Variants in ZFHX3 observed in about 807,000 individuals in gnomAD.
ZFHX3 encodes the protein zinc finger homeobox protein 3.
A neutral mutation model predicts 279.1 loss-of-function variants in ZFHX3; 42 were observed. The observed-to-expected ratio is 0.15, with a 90% CI of 0.12 to 0.19. ZFHX3 has a LOEUF of 0.19. Ranked by LOEUF, ZFHX3 falls within the 10% of genes least tolerant of loss-of-function variation. The pLI is 1.00. For missense variants in ZFHX3, 4,981 were observed against 4,754.0 expected (o/e 1.05, Z -1.40); for synonymous variants, 2,293 against 1,957.8 (o/e 1.17, Z -4.52).
At chr16:73,137,414 A>G (rs1361662992) in intron 6 of ZFHX3, 1 of 152,064 alleles carries the variant, frequency 6.6e-6, no homozygotes, top group Non-Finnish European at 1.5e-5. Flanking sequence ...TCGCCCCCAG[A>G]GTTCTCATGC....
At chr16:73,070,050 C>G (rs763407806) in intron 8 of ZFHX3, among the ~76,000 whole-genome samples, 1 of 152,106 alleles carries the variant, frequency 6.6e-6, no homozygotes, top group African/African-American at 2.4e-5. Context: ...TAAAGTGCCC[C>G]GAACTCCTGC....
At chr16:73,097,409 T>G (rs1485213468) in intron 7 of ZFHX3, among the ~76,000 whole-genome samples, 1 of 152,154 alleles carries the variant, frequency 6.6e-6, no homozygotes, top group Non-Finnish European at 1.5e-5. Context: ...GGGTTAGCTC[T>G]GAGACAGCTC....
At chr16:73,308,978 G>A (rs2015260008) in intron 4 of ZFHX3, among the ~76,000 whole-genome samples, 1 of 152,038 alleles carries the variant, frequency 6.6e-6, no homozygotes, top group South Asian at 2.1e-4. Flanking sequence ...CCCATGACAG[G>A]CTTCCTCCTG....
chr16:73,745,860 C>G (rs1305600077), intron 1 of ZFHX3, among the ~76,000 whole-genome samples: 1 of 151,960 alleles, frequency 6.6e-6, no homozygotes, highest in African/African-American at 2.4e-5. Flanking sequence ...TTGGATTAGT[C>G]TTCTCTTCCT....
At chr16:73,274,080 G>A (rs1000364167) in intron 4 of ZFHX3, among the ~76,000 whole-genome samples, 7 of 152,140 alleles carry the variant, frequency 4.6e-5, no homozygotes, top group Admixed American at 2.6e-4. Flanking sequence ...GGAGGTGGAC[G>A]TTGCAGTGAG....
chr16:72,861,971 T>C (rs2037901764), intron 4 of ZFHX3, among the ~76,000 whole-genome samples: 1 of 152,194 alleles, frequency 6.6e-6, no homozygotes, highest in Non-Finnish European at 1.5e-5. Flanking sequence ...GTCAAGATCA[T>C]GCCACTGCAC....
chr16:73,363,213 G>A (rs2016464591), intron 3 of ZFHX3, among the ~76,000 whole-genome samples: 1 of 152,242 alleles, frequency 6.6e-6, no homozygotes, highest in African/African-American at 2.4e-5. Context: ...CTGGCTCAGG[G>A]CAGCAGAAGA....
At chr16:73,000,807 T>C (rs1048615658) in intron 1 of ZFHX3, among the ~76,000 whole-genome samples, 1 of 152,172 alleles carries the variant, frequency 6.6e-6, no homozygotes, top group Admixed American at 6.5e-5. Flanking sequence ...TTCGACACAC[T>C]CCTGGAGTCT....
At chr16:73,437,942 T>C (rs1165402908) in intron 3 of ZFHX3, among the ~76,000 whole-genome samples, 1 of 152,218 alleles carries the variant, frequency 6.6e-6, no homozygotes, top group Admixed American at 6.5e-5. Context: ...TCTGAAGCCA[T>C]TGGACACCAG....
rs140432863 is a variant in ZFHX3, at chr16:73,845,617, T to C, written c.-1608+46034A>G. Among the ~76,000 whole-genome samples the C allele has an allele frequency of 1.4e-4, 22 of 152,272 alleles. No individual in the cohort carries two copies. The East Asian group carries it at 4.3e-3, about 29-fold the overall frequency. On this transcript the variant is annotated intron_variant, in intron 1 of 17. Transcript: ENST00000641206. ...TCAATTCCGAGTCAGCAGATCTATT[T>C]ACTCTCTTCTGATGCTGTGTCACTC... is the stretch of plus-strand genomic sequence containing the variant.
intron 4 of ZFHX3, among the ~76,000 whole-genome samples, chr16:72,860,457 C>T (rs2037858167): frequency 6.6e-6 from 1 of 152,146 alleles, no homozygotes; most frequent in African/African-American, 2.4e-5. Context: ...GACAGAGTCT[C>T]ACTCACTCTG....
chr16:73,662,005 A>AG (rs1427832026), intron 2 of ZFHX3, among the ~76,000 whole-genome samples: 1 of 35,880 alleles, frequency 2.8e-5, no homozygotes, highest in South Asian at 1.3e-3. Context: ...ACAACGGACC[A>AG]ATTTTTTTTT....
At chr16:73,530,514 G>C (rs1045516857) in intron 2 of ZFHX3, among the ~76,000 whole-genome samples, 1 of 152,076 alleles carries the variant, frequency 6.6e-6, no homozygotes, top group Non-Finnish European at 1.5e-5. Flanking sequence ...GGCATTTCAG[G>C]TTTCCAAATT....
At chr16:73,560,446 T>G (rs1208281647) in intron 2 of ZFHX3, among the ~76,000 whole-genome samples, 1 of 152,202 alleles carries the variant, frequency 6.6e-6, no homozygotes, top group Non-Finnish European at 1.5e-5. Context: ...ATGTCAAGAT[T>G]CACACGGATT....
intron 1 of ZFHX3, among the ~76,000 whole-genome samples, chr16:73,043,913 T>A (rs1965203457): frequency 6.6e-6 from 1 of 152,192 alleles, no homozygotes; most frequent in South Asian, 2.1e-4. Context: ...TTCTCTTTAA[T>A]CTGGATTTTC....
At chr16:73,003,512 A>ACCCCCCCCCC (rs142323888) in intron 1 of ZFHX3, among the ~76,000 whole-genome samples, 2 of 120,680 alleles carry the variant, frequency 1.7e-5, no homozygotes, top group African/African-American at 6.4e-5. Flanking sequence ...ACATGGTGAG[A>ACCCCCCCCCC]CCCCCCCCTC....
chr16:73,544,294 T>TA (rs1291279741), intron 2 of ZFHX3, among the ~76,000 whole-genome samples: 1 of 152,196 alleles, frequency 6.6e-6, no homozygotes, highest in Admixed American at 6.5e-5. Flanking sequence ...CTCTTCTTTT[T>TA]AAAAATAGAA....
chr16:73,338,791 G>A (rs1325018909), intron 3 of ZFHX3, among the ~76,000 whole-genome samples: 1 of 152,178 alleles, frequency 6.6e-6, no homozygotes, highest in African/African-American at 2.4e-5. Context: ...AGTGTTATAG[G>A]AGGGGCCTGG....
At chr16:73,659,394 T>C (rs1214352808) in intron 2 of ZFHX3, among the ~76,000 whole-genome samples, 2 of 152,174 alleles carry the variant, frequency 1.3e-5, no homozygotes, top group Non-Finnish European at 2.9e-5. Context: ...ATTTCATTTA[T>C]ATAAGGGTGT....
Sources: allele counts gnomAD v4.1 joint callset (sites outside exome capture counted in the v4.1 genomes callset), GRCh38; gene constraint gnomAD v4.1.1; transcripts MANE v1.5; gene names NCBI Gene and HGNC (gene_info 2026-07-23, HGNC 2026-07-21).